WDR45: variants seen among roughly 807,000 people sequenced by gnomAD.
The protein encoded by WDR45 is WD repeat domain 45.
In WDR45, 2 loss-of-function variants were observed where a neutral mutation model predicts 27.3. The observed-to-expected ratio is 0.07, with a 90% CI of 0.03 to 0.23. The LOEUF (loss-of-function observed/expected upper bound fraction) is 0.23. Among genes scored for constraint, WDR45 ranks in the 10% least tolerant of loss-of-function variants. The pLI, the probability that WDR45 is intolerant of heterozygous loss-of-function variation, is 1.00. For synonymous variants in WDR45, 99 were observed against 119.2 expected, an observed-to-expected ratio of 0.83 and a Z score of 1.11; for missense variants, 175 against 311.9, an observed-to-expected ratio of 0.56 and a Z score of 3.31.
chrX:49,083,417 T>C (rs2065076187), upstream of WDR45, among the ~76,000 whole-genome samples: 2 of 104,677 alleles, frequency 1.9e-5, no homozygotes, highest in South Asian at 9.3e-4. Context: ...TGTCTGATCC[T>C]CTCTTCCTAA....
At chrX:49,077,974 T>C in intron 2 of WDR45, 63 bp from the exon 3 acceptor site, 1 of 1,207,127 alleles carries the variant, frequency 8.3e-7, no homozygotes, top group Non-Finnish European at 1.1e-6. Context: ...TGGGGGCCCA[T>C]GGCCCACTTC....
upstream of WDR45, chrX:49,079,946 G>A (rs2065059354): frequency 8.9e-6 from 1 of 112,927 alleles, no homozygotes; most frequent in East Asian, 2.8e-4. Context: ...CACCCCAGCT[G>A]GAAAAAGGCG....
upstream of WDR45, among the ~76,000 whole-genome samples, chrX:49,084,717 C>G (rs373557322): frequency 4.6e-5 from 5 of 108,950 alleles, no homozygotes; most frequent in East Asian, 1.5e-3. Flanking sequence ...TCACTGCAAC[C>G]TCTGCCTCCC....
At chrX:49,095,379 A>C (rs928375198) in intron 2 of WDR45, among the ~76,000 whole-genome samples, 1 of 107,910 alleles carries the variant, frequency 9.3e-6, no homozygotes, top group Non-Finnish European at 1.9e-5. Context: ...GGTGGCTCAC[A>C]CCTGTAATCC....
chrX:49,080,840 G>T, upstream of WDR45, among the ~76,000 whole-genome samples: 1 of 97,592 alleles, frequency 1.0e-5, no homozygotes. Context: ...TCCTACCTAT[G>T]ATAAAGCTTT....
chrX:49,087,582 A>G (rs1557086094), intron 2 of WDR45, among the ~76,000 whole-genome samples: 1 of 112,319 alleles, frequency 8.9e-6, no homozygotes, highest in Non-Finnish European at 1.9e-5. Context: ...TAAATAAAGA[A>G]GAGGTTCTAG....
chrX:49,076,329 T>C, intron 6 of WDR45, 101 bp downstream of exon 6: 1 of 890,445 alleles, frequency 1.1e-6, no homozygotes. Context: ...CTTTCCCCAT[T>C]TCTCTGTGTG....
chrX:49,088,789 A>G (rs782764886), intron 2 of WDR45, among the ~76,000 whole-genome samples: 1 of 111,720 alleles, frequency 9.0e-6, no homozygotes, highest in African/African-American at 3.2e-5. Flanking sequence ...TTTGAGGTGC[A>G]GTAAGCTATG....
rs2065029210 is a variant in WDR45 at position 49,075,215 on chromosome X, C to T, written c.894G>A (p.Ala298=). ...CTGACTCAGCAGGCACAGTGAAGCT[C>T]GCCAGGCTCCACTGAGAGTCCACGT... ...GQYVDSQWSL[A]SFTVPAESAC... The change falls in exon 10 of 11, where the codon GCG becomes GCA. Residue 298 remains alanine, a synonymous_variant. Coordinates refer to ENST00000376372, the MANE Select transcript of WDR45 (RefSeq NM_001029896.2). 8.3e-7 allele frequency: 1 copy of T among 1,212,098 alleles called. No individual in the cohort carries two copies. Among genetic ancestry groups the T allele is most frequent in the Non-Finnish European group, 1.1e-6 (1 of 895,562 alleles).
At chrX:49,081,095 C>G (rs1273624779), upstream of WDR45, among the ~76,000 whole-genome samples, 1 of 107,089 alleles carries the variant, frequency 9.3e-6, no homozygotes, top group Non-Finnish European at 1.9e-5. Context: ...TAGTAGAGAC[C>G]GGGTTTCTCC....
At chrX:49,095,229 C>T (rs1017521553) in intron 2 of WDR45, among the ~76,000 whole-genome samples, 1 of 109,887 alleles carries the variant, frequency 9.1e-6, no homozygotes, top group Non-Finnish European at 1.9e-5. Context: ...ATTACTGTTG[C>T]GGCTGGGCAT....
At chrX:49,095,733 T>C (rs1557087200) in intron 2 of WDR45, among the ~76,000 whole-genome samples, 1 of 100,210 alleles carries the variant, frequency 1.0e-5, no homozygotes, top group African/African-American at 3.6e-5. Context: ...GTGCTGGGAT[T>C]ACAGGTGTGA....
intron 2 of WDR45, among the ~76,000 whole-genome samples, chrX:49,095,214 T>A (rs1318911446): frequency 3.6e-5 from 4 of 110,977 alleles, no homozygotes; most frequent in Admixed American, 1.9e-4. Flanking sequence ...CAGTAATTTG[T>A]GAAAATTACT....
intron 2 of WDR45, among the ~76,000 whole-genome samples, chrX:49,085,990 A>G (rs1557085853): frequency 8.9e-6 from 1 of 112,411 alleles, no homozygotes; most frequent in Non-Finnish European, 1.9e-5. Context: ...CTTCCTCAAA[A>G]CATGATTTTT....
chrX:49,082,950 G>A (rs1051006171), upstream of WDR45, among the ~76,000 whole-genome samples: 1 of 108,593 alleles, frequency 9.2e-6, no homozygotes, highest in Non-Finnish European at 1.9e-5. Context: ...GGCGATCTCG[G>A]TTAACTGCAA....
Position 49,075,748 on chromosome X carries a change from C to A in WDR45, c.522G>T (p.Leu174=). ...HKCGSLQLVD[L]ASTKPGTSSA... ...ACGAGGTGCCAGGCTTTGTGCTCGC[C>A]AGGTCCTGGGGTAGGAGGGAGGAGT... Residue 174 remains leucine (L), a synonymous_variant, in exon 8 of 11, where the codon CTG becomes CTT. Transcript: ENST00000376372. 1 of 1,206,549 alleles carries A rather than the reference C, an allele frequency of 8.3e-7. No homozygotes were observed. Among genetic ancestry groups the A allele is most frequent in the Non-Finnish European group, 1.1e-6 (1 of 892,729 alleles).
chrX:49,077,604 C>A (rs376254896), intron 4 of WDR45, 39 bp downstream of exon 4: 55 of 1,150,842 alleles, frequency 4.8e-5, no homozygotes, highest in Non-Finnish European at 6.4e-5. Flanking sequence ...GCCAGGAATC[C>A]GAGAAATCTG....
At chrX:49,089,468 C>T (rs2065097068) in intron 2 of WDR45, among the ~76,000 whole-genome samples, 1 of 110,070 alleles carries the variant, frequency 9.1e-6, no homozygotes, top group South Asian at 4.0e-4. Context: ...GATCTCAGCT[C>T]ACTACAACCT....
rs185699440 is a variant in WDR45 at position 49,087,312 on chromosome X, C to T, written c.-17-9200G>A. Among the ~76,000 whole-genome samples the T allele has an allele frequency of 1.2e-3, 129 of 107,938 alleles. No homozygotes were observed. The East Asian group carries it at 0.03, about 25-fold the overall frequency. 93.7% of individuals were successfully genotyped at this position (107,938 alleles called of 115,157 possible). A position where few individuals can be genotyped will look rare whatever the true frequency, so the allele number is the denominator to read the frequency against. On this transcript the variant is annotated intron_variant, in intron 2 of 11. Coordinates refer to the WDR45 transcript ENST00000356463. ...GCAGAGGTTTGCAGTGAGCTGATAT[C>T]GCACCATTGCACTCCAGCCTGGGCA... is the stretch of plus-strand genomic sequence containing the variant.
Sources: allele counts gnomAD v4.1 joint callset (sites outside exome capture counted in the v4.1 genomes callset), GRCh38; gene constraint gnomAD v4.1.1; transcripts MANE v1.5; gene names NCBI Gene and HGNC (gene_info 2026-07-23, HGNC 2026-07-21).